The following ARHGAP28 variants were observed in gnomAD, a reference collection of about 807,000 sequenced individuals.
The protein encoded by ARHGAP28 is rho GTPase-activating protein 28.
In ARHGAP28, 56 loss-of-function variants were observed where a neutral mutation model predicts 90.7. The ratio of observed to expected loss-of-function variants is 0.62; its 90% CI spans 0.50 to 0.77. The LOEUF (loss-of-function observed/expected upper bound fraction) is 0.77. Ranked by LOEUF, ARHGAP28 falls within the 30% of genes least tolerant of loss-of-function variation. The probability of loss-of-function intolerance (pLI) is 0.00; values close to 1 mark genes in which losing one functional copy is unlikely to be tolerated. For missense variants in ARHGAP28, 869 were observed against 900.9 expected (o/e 0.96, Z 0.45); for synonymous variants, 308 against 323.3 (o/e 0.95, Z 0.51).
intron 16 of ARHGAP28, chr18:6,896,871 G>A (rs1466451054): frequency 2.8e-5 from 10 of 356,852 alleles, no homozygotes; most frequent in East Asian, 1.4e-4. Context: ...GTCTATCTTC[G>A]TAGCTTCATT....
At chr18:6,818,323 G>A (rs1434230724) in intron 1 of ARHGAP28, among the ~76,000 whole-genome samples, 5 of 152,128 alleles carry the variant, frequency 3.3e-5, no homozygotes, top group African/African-American at 1.2e-4. Context: ...AATACCTGAG[G>A]GGGCTTTTGA....
At chr18:6,841,199 C>CACTG (rs2056819653) in intron 3 of ARHGAP28, among the ~76,000 whole-genome samples, 2 of 62,292 alleles carry the variant, frequency 3.2e-5, no homozygotes, top group African/African-American at 1.8e-4. Flanking sequence ...CTCTCTCTCT[C>CACTG]TCTCCTCTCC....
intron 1 of ARHGAP28, among the ~76,000 whole-genome samples, chr18:6,750,254 T>C (rs1340123281): frequency 6.6e-6 from 1 of 152,222 alleles, no homozygotes; most frequent in Non-Finnish European, 1.5e-5. Flanking sequence ...GAAACTGAGA[T>C]ACAGGGTAAC....
chr18:6,886,535 T>C (rs1247013355), intron 11 of ARHGAP28, among the ~76,000 whole-genome samples: 1 of 152,190 alleles, frequency 6.6e-6, no homozygotes, highest in Non-Finnish European at 1.5e-5. Context: ...ATAAGTGTCA[T>C]AGATCATAAA....
chr18:6,887,446 T>TTTG (rs2057231412), intron 12 of ARHGAP28, among the ~76,000 whole-genome samples: 2 of 150,826 alleles, frequency 1.3e-5, no homozygotes, highest in South Asian at 4.2e-4. Flanking sequence ...TTTTTTTTTT[T>TTTG]GAGAGACAGA....
chr18:6,827,041 A>T (rs900598603), intron 2 of ARHGAP28, among the ~76,000 whole-genome samples: 3 of 152,148 alleles, frequency 2.0e-5, no homozygotes, highest in African/African-American at 7.2e-5. Flanking sequence ...AGGCAGAAGA[A>T]TTTATCTTAG....
intron 2 of ARHGAP28, among the ~76,000 whole-genome samples, chr18:6,831,471 G>GTTTTTTTTTTTTTTTTCTTTTTT (rs2056714984): frequency 5.5e-5 from 6 of 109,304 alleles, no homozygotes; most frequent in Admixed American, 1.0e-4. Context: ...GTATCTTGAT[G>GTTTTTTTTTTTTTTTTCTTTTTT]TTTTTTTTTT....
intron 1 of ARHGAP28, among the ~76,000 whole-genome samples, chr18:6,787,780 CA>C (rs1330721202): frequency 6.6e-6 from 1 of 152,174 alleles, no homozygotes; most frequent in Non-Finnish European, 1.5e-5. Context: ...ACACAACTCT[CA>C]AAGACAACTG....
At chr18:6,892,732 G>A (rs1227538590) in intron 14 of ARHGAP28, among the ~76,000 whole-genome samples, 2 of 152,160 alleles carry the variant, frequency 1.3e-5, no homozygotes, top group Non-Finnish European at 2.9e-5. Context: ...TTTGTTTTGT[G>A]TGACTATGGA....
chr18:6,851,177 T>C (rs772141053), intron 4 of ARHGAP28, 51 bp downstream of exon 4: 3 of 1,545,540 alleles, frequency 1.9e-6, no homozygotes, highest in Non-Finnish European at 2.7e-6. Flanking sequence ...AAGCCATTTC[T>C]TCAAGATGGT....
chr18:6,841,199 CTCTCCTCTCCTCTCTCT>C (rs1567966800), intron 3 of ARHGAP28, among the ~76,000 whole-genome samples: 2 of 62,292 alleles, frequency 3.2e-5, no homozygotes, highest in African/African-American at 1.8e-4. Context: ...CTCTCTCTCT[CTCTCCTCTCCTCTCTCT>C]CTCTCTCCCC....
chr18:6,836,715 A>G (rs8085740), intron 2 of ARHGAP28, among the ~76,000 whole-genome samples: 2,894 of 152,290 alleles, frequency 0.019, 85 homozygotes, highest in African/African-American at 0.066. Context: ...ACATAAAACT[A>G]TAGAGGTTCA....
At chr18:6,772,459 CAT>C (rs768201758) in intron 1 of ARHGAP28, among the ~76,000 whole-genome samples, 2 of 152,186 alleles carry the variant, frequency 1.3e-5, no homozygotes, top group South Asian at 2.1e-4. Flanking sequence ...GCAAAAGTGA[CAT>C]GTGTTCTGTA....
chr18:6,812,872 T>G (rs2143698317), intron 1 of ARHGAP28, among the ~76,000 whole-genome samples: 1 of 152,344 alleles, frequency 6.6e-6, no homozygotes. Context: ...AGAGGGATTT[T>G]GAGGGTCCTA....
chr18:6,825,615 C>G (rs371690386), intron 2 of ARHGAP28, among the ~76,000 whole-genome samples: 3 of 152,150 alleles, frequency 2.0e-5, no homozygotes, highest in South Asian at 2.1e-4. Context: ...CCTACCTCCC[C>G]CCTCTAGTAG....
At position 6,744,058 on chromosome 18, in the gene ARHGAP28, C is replaced by T. The variant is rs570708382; in HGVS notation, c.122+14115C>T. Among the ~76,000 whole-genome samples the T allele has an allele frequency of 1.2e-4, 19 of 152,112 alleles. No individual in the cohort carries two copies. The South Asian group carries it at 2.7e-3, about 22-fold the overall frequency. ...TGATTGAAAAAAAAAGCATAAGATACTCTGGGAAAGCAGAGAAGATGTAAC... is the reference window on the plus strand; with the variant it reads ...TGATTGAAAAAAAAAGCATAAGATATTCTGGGAAAGCAGAGAAGATGTAAC... On this transcript the variant is annotated intron_variant, in intron 1 of 17. Transcript: ENST00000383472.
intron 1 of ARHGAP28, among the ~76,000 whole-genome samples, chr18:6,741,189 A>C (rs2055974331): frequency 6.6e-6 from 1 of 152,250 alleles, no homozygotes; most frequent in African/African-American, 2.4e-5. Flanking sequence ...ACCTCAACAG[A>C]GTAAGCAATT....
At chr18:6,794,366 C>A (rs1209506322) in intron 1 of ARHGAP28, among the ~76,000 whole-genome samples, 1 of 152,178 alleles carries the variant, frequency 6.6e-6, no homozygotes, top group African/African-American at 2.4e-5. Flanking sequence ...TAAAAATGGG[C>A]TCATGGATCT....
rs200054716 is a variant in ARHGAP28 at position 6,873,670 on chromosome 18, G to C, written c.1121-14G>C. 1.2e-5 allele frequency: 19 copies of C among 1,607,060 alleles called. No homozygotes were observed. The highest frequency in any genetic ancestry group is 2.2e-5 in the East Asian group (1 of 44,824). ...TTCTTTTTTTTTTTCCCCCTTTACTGTCTCACAATGAAGACAATGGGATTT... is the reference window on the plus strand; with the variant it reads ...TTCTTTTTTTTTTTCCCCCTTTACTCTCTCACAATGAAGACAATGGGATTT... On this transcript the variant is annotated splice_polypyrimidine_tract_variant and intron_variant, in intron 8 of 17. Transcript: ENST00000383472.
Sources: allele counts gnomAD v4.1 joint callset (sites outside exome capture counted in the v4.1 genomes callset), GRCh38; gene constraint gnomAD v4.1.1; transcripts MANE v1.5; gene names NCBI Gene and HGNC (gene_info 2026-07-23, HGNC 2026-07-21).